Variants in TMEM165 observed in about 807,000 individuals in gnomAD.
The protein encoded by TMEM165 is putative divalent cation/proton antiporter TMEM165.
In TMEM165, 19 loss-of-function variants were observed where a neutral mutation model predicts 30.0. The observed-to-expected ratio is 0.63, with a 90% CI of 0.44 to 0.93. The LOEUF is 0.93. Among genes scored for constraint, TMEM165 ranks in the 40% least tolerant of loss-of-function variants. TMEM165 has a pLI of 0.00. For synonymous variants in TMEM165, 168 were observed against 162.9 expected (o/e 1.03, Z -0.24); for missense variants, 340 against 417.0 (o/e 0.82, Z 1.61).
chr4:55,450,255 A>G lies in TMEM165; in HGVS notation c.409-1984A>G, dbSNP rs199807600. 4.8e-5 allele frequency: 78 copies of G among 1,613,690 alleles called. No individual in the cohort carries two copies. The African/African-American group carries it at 8.5e-4, about 18-fold the overall frequency. ...GCTCTATGGAGACAGAGTAAAATAA[A>G]TGTTTTCTTGTGGTTCAGTTCAGAG... On this transcript the variant is annotated intron_variant, in intron 3 of 3. Coordinates refer to the TMEM165 transcript ENST00000608091.
chr4:55,438,614 T>G, intron 3 of TMEM165: 1 of 1,602,912 alleles, frequency 6.2e-7, no homozygotes, highest in Non-Finnish European at 8.5e-7. Context: ...GAGTAAATAC[T>G]TACCTAAGAT....
chr4:55,426,659 TAA>T (rs1722214704), downstream of TMEM165, among the ~76,000 whole-genome samples: 1 of 152,218 alleles, frequency 6.6e-6, no homozygotes, highest in African/African-American at 2.4e-5. Flanking sequence ...GTGTGAGGTA[TAA>T]TAGGAGACCC....
chr4:55,396,197 C>A lies in TMEM165; in HGVS notation c.8C>A (p.Ala3Asp), dbSNP rs770675509. The part of the protein sequence containing the change: MA[A>D]AAPGNGRASA... The stretch of plus-strand genomic sequence containing the variant: ...GCCGGCCCGGCAGGCGGGATGGCGG[C>A]CGCGGCTCCAGGGAACGGCCGCGCA... Residue 3 changes from alanine to aspartate, a missense_variant, in exon 1 of 6, where the codon GCC becomes GAC. Ala to Asp is a moderately radical substitution (Grantham distance 126). Transcript: ENST00000381334. 2 of 1,422,354 alleles carry A rather than the reference C, an allele frequency of 1.4e-6. No individual in the cohort carries two copies. The highest frequency in any genetic ancestry group is 6.1e-5 in the East Asian group (2 of 32,576). The allele number at this position is 1,422,354 out of a possible 1,614,324, so 88.1% of individuals were successfully genotyped here.
At chr4:55,442,492 A>G in intron 3 of TMEM165, 1 of 1,607,892 alleles carries the variant, frequency 6.2e-7, no homozygotes, top group South Asian at 1.1e-5. Context: ...GTTTTGTGGC[A>G]TACTAGATGG....
At chr4:55,444,503 G>C (rs569695084) in intron 3 of TMEM165, 1 of 1,083,252 alleles carries the variant, frequency 9.2e-7, no homozygotes, top group Admixed American at 1.8e-5. Flanking sequence ...TAGGTAACCA[G>C]TGAATATTTA....
chr4:55,444,038 A>T, intron 3 of TMEM165: 1 of 658,604 alleles, frequency 1.5e-6, no homozygotes, highest in Non-Finnish European at 2.6e-6. Flanking sequence ...TTAGCAATAA[A>T]TAAGTAGTGA....
chr4:55,452,076 C>T (rs1400669495), intron 3 of TMEM165, among the ~76,000 whole-genome samples: 2 of 152,024 alleles, frequency 1.3e-5, no homozygotes, highest in East Asian at 3.9e-4. Context: ...TCTGACATGG[C>T]TCACAATTCC....
In TMEM165 at chr4:55,396,054, G is replaced by T; in HGVS notation, c.-136G>T. 1 of 629,154 alleles carries T rather than the reference G, an allele frequency of 1.6e-6. No individual in the cohort carries two copies. The highest frequency in any genetic ancestry group is 2.3e-6 in the Non-Finnish European group (1 of 432,528). The allele number at this position is 629,154 out of a possible 1,614,324, so 39.0% of individuals were successfully genotyped here. A position where few individuals can be genotyped will look rare whatever the true frequency, so the allele number is the denominator to read the frequency against. Reference sequence around the variant, plus strand: ...TCACTCCCGCTGCTTGCACCTCCCGGATGGTGCTGACTGCTCCCTAAGCGG... The same window carrying T: ...TCACTCCCGCTGCTTGCACCTCCCGTATGGTGCTGACTGCTCCCTAAGCGG... On this transcript the variant is annotated 5_prime_UTR_variant, in exon 1 of 6. Transcript: ENST00000381334.
intron 3 of TMEM165, chr4:55,433,565 A>G (rs758133111): frequency 2.6e-5 from 4 of 152,192 alleles, no homozygotes; most frequent in Non-Finnish European, 5.9e-5. Flanking sequence ...CTGTTTTAAC[A>G]ACCTCAACTC....
chr4:55,449,492 T>C (rs1240008967), intron 3 of TMEM165: 1 of 1,613,990 alleles, frequency 6.2e-7, no homozygotes, highest in Admixed American at 1.7e-5. Flanking sequence ...TCTTGGTTGG[T>C]GTTGCTGAAG....
At chr4:55,400,606 T>A (rs1040400606) in intron 1 of TMEM165, among the ~76,000 whole-genome samples, 5 of 148,102 alleles carry the variant, frequency 3.4e-5, no homozygotes, top group Non-Finnish European at 1.5e-5. Context: ...CCCGCCTAAT[T>A]TTTTGTATTT....
chr4:55,449,850 G>A lies in TMEM165; in HGVS notation c.409-2389G>A, dbSNP rs572270756. ...ATAAATAGTTGCCTTTCTTTTTGAG[G>A]GATGATTAAAAACATCACCATCACC... On this transcript the variant is annotated intron_variant, in intron 3 of 3. Transcript: ENST00000608091. Among the ~76,000 whole-genome samples, 3 of 152,112 alleles carry A rather than the reference G, an allele frequency of 2.0e-5. No individual in the cohort carries two copies. In the East Asian group the frequency reaches 5.8e-4, roughly 29 times the overall value.
At chr4:55,424,861 T>C in intron 5 of TMEM165, 2 of 513,594 alleles carry the variant, frequency 3.9e-6, no homozygotes, top group African/African-American at 1.9e-5. Context: ...ATCGAATTCA[T>C]AGTAGCTTCT....
At chr4:55,403,434 C>T in intron 1 of TMEM165, 1 of 528,604 alleles carries the variant, frequency 1.9e-6, no homozygotes, top group Non-Finnish European at 2.6e-6. Flanking sequence ...CTTTTTCTTC[C>T]TTCTCTTGAG....
At chr4:55,418,358 C>G (rs1052918393) in intron 4 of TMEM165, among the ~76,000 whole-genome samples, 5 of 151,758 alleles carry the variant, frequency 3.3e-5, no homozygotes, top group African/African-American at 1.2e-4. Flanking sequence ...ATACCTAAAG[C>G]CTTAAAAATG....
chr4:55,449,331 G>A, intron 3 of TMEM165: 9 of 1,398,540 alleles, frequency 6.4e-6, no homozygotes, highest in Non-Finnish European at 9.1e-6. Flanking sequence ...AATTTCTGAA[G>A]ATTTAGATCA....
At chr4:55,437,033 C>T (rs1254020359) in intron 3 of TMEM165, among the ~76,000 whole-genome samples, 5 of 151,864 alleles carry the variant, frequency 3.3e-5, no homozygotes, top group Non-Finnish European at 7.4e-5. Flanking sequence ...ATTTTCCCTA[C>T]ATAATAATTT....
intron 1 of TMEM165, 66 bp downstream of exon 1, chr4:55,396,462 C>A: frequency 7.8e-7 from 1 of 1,282,368 alleles, no homozygotes; most frequent in Non-Finnish European, 1.0e-6. Flanking sequence ...AGGCTCCAGG[C>A]CTTTGAAAGC....
At chr4:55,441,399 G>T (rs1019128794) in intron 3 of TMEM165, among the ~76,000 whole-genome samples, 7 of 152,168 alleles carry the variant, frequency 4.6e-5, no homozygotes, top group Non-Finnish European at 8.8e-5. Flanking sequence ...CAAAGGAAAA[G>T]AAGTCACTGT....
Sources: gnomAD v4.1 joint callset for allele counts (sites outside exome capture counted in the v4.1 genomes callset) on GRCh38, gnomAD v4.1.1 for gene constraint, MANE v1.5 for transcripts, NCBI Gene and HGNC (gene_info 2026-07-23, HGNC 2026-07-21) for gene names.